KLRF1: variants seen among roughly 807,000 people sequenced by gnomAD.
KLRF1 encodes the protein killer cell lectin like receptor F1.
A neutral mutation model predicts 30.7 loss-of-function variants in KLRF1; 27 were observed. The observed-to-expected ratio is 0.88, with a 90% CI of 0.65 to 1.21. KLRF1 has a LOEUF of 1.21. Among genes scored for constraint, KLRF1 ranks in the 50% most tolerant of loss-of-function variants. The pLI is 0.00. For synonymous variants in KLRF1, 92 were observed against 89.3 expected, an observed-to-expected ratio of 1.03 and a Z score of -0.17; for missense variants, 246 against 259.3, an observed-to-expected ratio of 0.95 and a Z score of 0.35.
intron 5 of KLRF1, 51 bp from the exon 6 acceptor site, chr12:9,844,367 G>T (rs749807421): frequency 4.7e-5 from 43 of 906,766 alleles, no homozygotes; most frequent in Non-Finnish European, 7.3e-5. Flanking sequence ...AGACACAAAT[G>T]GATGTCTTCA....
At chr12:9,817,482 G>A in the KLRF1 span, 5 of 422,958 alleles carry the variant, frequency 1.2e-5, no homozygotes, top group East Asian at 8.5e-5. Context: ...TCCTTATTTC[G>A]CTTGAGATTT....
At chr12:9,833,551 T>A in intron 3 of KLRF1, 99 bp downstream of exon 3, 1 of 1,066,106 alleles carries the variant, frequency 9.4e-7, no homozygotes, top group Non-Finnish European at 1.3e-6. Context: ...AAGTAACAAG[T>A]AAAAGTTTGG....
At chr12:9,836,011 A>G (rs1349701933) in intron 3 of KLRF1, among the ~76,000 whole-genome samples, 1 of 152,106 alleles carries the variant, frequency 6.6e-6, no homozygotes, top group African/African-American at 2.4e-5. Context: ...GATGTTGCCC[A>G]GTCTACATGT....
upstream of KLRF1, among the ~76,000 whole-genome samples, chr12:9,823,224 C>CAAAA (rs71049011): frequency 7.2e-6 from 1 of 139,102 alleles, no homozygotes; most frequent in Non-Finnish European, 1.5e-5. Context: ...TTAGCAAATG[C>CAAAA]AAAAAAAAAA....
chr12:9,807,681 G>T, the KLRF1 span, among the ~76,000 whole-genome samples: 1 of 152,000 alleles, frequency 6.6e-6, no homozygotes, highest in African/African-American at 2.4e-5. Context: ...AGTGTCATTT[G>T]CTTTCACTCT....
the KLRF1 span, among the ~76,000 whole-genome samples, chr12:9,808,339 T>C: frequency 2.0e-5 from 3 of 152,182 alleles, no homozygotes; most frequent in African/African-American, 7.2e-5. Context: ...AAAATAAATC[T>C]CACTCCACTT....
In KLRF1 at chr12:9,833,410, A is replaced by G. The variant is rs757670768; in HGVS notation, c.292A>G (p.Ser98Gly). ...GAATAATGGCACAAGAAGAAATATA[A>G]GTAATAAGGACCTTTGTGCTTCGAG... ...KVNNGTRRNI[S>G]NKDLCASRSA... Residue 98 changes from serine to glycine, a missense_variant, in exon 3 of 6, where the codon AGT becomes GGT. Transcript: ENST00000617889. The G allele has an allele frequency of 4.7e-5, 76 of 1,611,940 alleles. No homozygotes were observed. Among genetic ancestry groups the G allele is most frequent in the Admixed American group, 1.3e-4 (8 of 59,714 alleles).
intron 3 of KLRF1, among the ~76,000 whole-genome samples, chr12:9,840,890 G>T (rs1461504463): frequency 6.6e-6 from 1 of 152,064 alleles, no homozygotes; most frequent in Non-Finnish European, 1.5e-5. Context: ...AGACTGTGTG[G>T]CAATTCCTCA....
chr12:9,826,338 C>A (rs1867282047), upstream of KLRF1, among the ~76,000 whole-genome samples: 1 of 152,062 alleles, frequency 6.6e-6, no homozygotes, highest in Non-Finnish European at 1.5e-5. Context: ...AAGATACCAT[C>A]TCATACCAGT....
At chr12:9,812,134 G>A in the KLRF1 span, among the ~76,000 whole-genome samples, 1 of 152,180 alleles carries the variant, frequency 6.6e-6, no homozygotes, top group African/African-American at 2.4e-5. Context: ...GGGAGGCCGA[G>A]GCGGGCGGAT....
the KLRF1 span, among the ~76,000 whole-genome samples, chr12:9,805,560 C>T: frequency 2.0e-4 from 31 of 152,094 alleles, no homozygotes; most frequent in Admixed American, 6.6e-4. Flanking sequence ...AGAATGTTCT[C>T]TCTTGTTATA....
At chr12:9,814,071 G>A in the KLRF1 span, among the ~76,000 whole-genome samples, 4 of 152,108 alleles carry the variant, frequency 2.6e-5, no homozygotes, top group East Asian at 3.9e-4. Context: ...CCCACACACC[G>A]GGAGGGCTGT....
rs1447782839 is a variant in KLRF1, at chr12:9,839,211, C to G, written c.335-2601C>G. On this transcript the variant is annotated intron_variant, in intron 3 of 5. Transcript: ENST00000617889. ...GGCCCTCTTCTCTGTTGCAGACTGC[C>G]AGCTTCTCATTGTAATCTCTCATGG... is the stretch of plus-strand genomic sequence containing the variant. 3.9e-5 allele frequency among the ~76,000 whole-genome samples: 6 copies of G among 152,096 alleles called. No individual in the cohort carries two copies. The East Asian group carries it at 1.2e-3, about 29-fold the overall frequency.
intron 1 of KLRF1, among the ~76,000 whole-genome samples, chr12:9,831,188 AT>A (rs1269396389): frequency 6.6e-6 from 1 of 152,008 alleles, no homozygotes; most frequent in African/African-American, 2.4e-5. Context: ...CACATGCTTG[AT>A]TTCTTGGAAT....
upstream of KLRF1, among the ~76,000 whole-genome samples, chr12:9,822,885 A>G (rs1024933415): frequency 3.3e-5 from 5 of 152,240 alleles, no homozygotes; most frequent in East Asian, 7.7e-4. Context: ...AGGACATTAC[A>G]TAATAATAAA....
chr12:9,802,755 G>A, the KLRF1 span, among the ~76,000 whole-genome samples: 1 of 151,980 alleles, frequency 6.6e-6, no homozygotes, highest in Non-Finnish European at 1.5e-5. Flanking sequence ...AGCCTACAAG[G>A]GATGTGAAGG....
At chr12:9,821,170 C>A in the KLRF1 span, among the ~76,000 whole-genome samples, 1 of 152,040 alleles carries the variant, frequency 6.6e-6, no homozygotes, top group East Asian at 1.9e-4. Flanking sequence ...CCATTCTCTC[C>A]TCCTGATTAC....
the KLRF1 span, among the ~76,000 whole-genome samples, chr12:9,813,102 A>G: frequency 1.3e-5 from 2 of 151,984 alleles, no homozygotes; most frequent in Non-Finnish European, 2.9e-5. Flanking sequence ...TGCCAGTCTC[A>G]TGGCATTCCC....
chr12:9,831,031 C>T (rs182421141), intron 1 of KLRF1, among the ~76,000 whole-genome samples: 17 of 151,756 alleles, frequency 1.1e-4, no homozygotes, highest in African/African-American at 3.6e-4. Context: ...AGTGCAGTGG[C>T]GCGATCTCAG....
Sources: gnomAD v4.1 joint callset for allele counts (sites outside exome capture counted in the v4.1 genomes callset) on GRCh38, gnomAD v4.1.1 for gene constraint, MANE v1.5 for transcripts, NCBI Gene and HGNC (gene_info 2026-07-23, HGNC 2026-07-21) for gene names.